ANO3: variants seen among roughly 807,000 people sequenced by gnomAD.
The protein encoded by ANO3 is anoctamin 3, also known as anoctamin-3.
A neutral mutation model predicts 144.8 loss-of-function variants in ANO3; 99 were observed. The observed-to-expected ratio is 0.68, with a 90% CI of 0.58 to 0.81. The LOEUF (loss-of-function observed/expected upper bound fraction) is 0.81. Among genes scored for constraint, ANO3 ranks in the 30% least tolerant of loss-of-function variants. The pLI is 0.00. For synonymous variants in ANO3, 414 were observed against 392.6 expected (o/e 1.05, Z -0.64); for missense variants, 905 against 1,202.2 (o/e 0.75, Z 3.66).
chr11:26,623,357 AT>A (rs1310467645), intron 17 of ANO3, among the ~76,000 whole-genome samples: 2 of 152,184 alleles, frequency 1.3e-5, no homozygotes, highest in Non-Finnish European at 1.5e-5. Context: ...AATCTAAACA[AT>A]TTTTTATTGA....
intron 14 of ANO3, among the ~76,000 whole-genome samples, chr11:26,569,133 C>A (rs1233152379): frequency 6.6e-6 from 1 of 152,012 alleles, no homozygotes; most frequent in East Asian, 1.9e-4. Context: ...AAAGTGAATT[C>A]TGTTGTTCCT....
At chr11:26,659,109 TAC>T (rs1565172390) in intron 26 of ANO3, among the ~76,000 whole-genome samples, 1 of 139,982 alleles carries the variant, frequency 7.1e-6, no homozygotes, top group South Asian at 2.5e-4. Flanking sequence ...CATATATATA[TAC>T]ACACATACAC....
chr11:26,530,881 A>C (rs567438487), intron 7 of ANO3, among the ~76,000 whole-genome samples: 2 of 152,046 alleles, frequency 1.3e-5, no homozygotes, highest in South Asian at 2.1e-4. Context: ...AAAAAAACAA[A>C]AACAAAAACA....
intron 1 of ANO3, chr11:26,287,448 G>A (rs1283520850): frequency 2.0e-5 from 3 of 152,166 alleles, no homozygotes; most frequent in Non-Finnish European, 4.4e-5. Flanking sequence ...GAAGCACAGA[G>A]AGGTCGAGTG....
At chr11:26,311,105 C>T (rs1040579827) in intron 1 of ANO3, among the ~76,000 whole-genome samples, 31 of 152,130 alleles carry the variant, frequency 2.0e-4, no homozygotes, top group Non-Finnish European at 2.9e-5. Flanking sequence ...AATGGGGAAT[C>T]AATGAAGTGA....
chr11:26,553,440 G>A (rs1849996967), intron 13 of ANO3, 95 bp downstream of exon 13: 9 of 736,280 alleles, frequency 1.2e-5, no homozygotes, highest in Middle Eastern at 5.0e-4. Context: ...AAAGTTAAGT[G>A]TTCTCAAGAG....
At chr11:26,519,209 C>T (rs1861973012) in intron 6 of ANO3, among the ~76,000 whole-genome samples, 1 of 152,122 alleles carries the variant, frequency 6.6e-6, no homozygotes, top group South Asian at 2.1e-4. Context: ...CATTTCAGTA[C>T]ATATCAGTAT....
intron 1 of ANO3, among the ~76,000 whole-genome samples, chr11:26,245,343 A>C (rs1852766943): frequency 6.6e-6 from 1 of 152,190 alleles, no homozygotes; most frequent in Admixed American, 6.5e-5. Context: ...GTTCACATGA[A>C]TATTCTCTTC....
chr11:26,292,048 A>G (rs1853970613), intron 1 of ANO3, among the ~76,000 whole-genome samples: 1 of 152,156 alleles, frequency 6.6e-6, no homozygotes, highest in African/African-American at 2.4e-5. Flanking sequence ...AGGTACACCA[A>G]TCAAACATGG....
intron 4 of ANO3, among the ~76,000 whole-genome samples, chr11:26,505,775 G>A (rs572043406): frequency 2.4e-4 from 36 of 151,922 alleles, no homozygotes; most frequent in Admixed American, 7.9e-4. Flanking sequence ...GATCGAGACC[G>A]TCCTGGCTAA....
At chr11:26,294,521 T>C (rs1854042044) in intron 1 of ANO3, among the ~76,000 whole-genome samples, 2 of 152,344 alleles carry the variant, frequency 1.3e-5, no homozygotes, top group Admixed American at 6.5e-5. Context: ...CTAGATATCA[T>C]GATTGCTATT....
At chr11:26,432,254 G>A (rs1428036697) in intron 1 of ANO3, among the ~76,000 whole-genome samples, 1 of 151,942 alleles carries the variant, frequency 6.6e-6, no homozygotes, top group Non-Finnish European at 1.5e-5. Flanking sequence ...TTTAATGGGG[G>A]TATTTGAGTT....
chr11:26,632,108 C>T (rs1396622159), intron 18 of ANO3, among the ~76,000 whole-genome samples: 1 of 151,676 alleles, frequency 6.6e-6, no homozygotes, highest in African/African-American at 2.4e-5. Flanking sequence ...AGAAGAATCT[C>T]TCGAACCCGG....
In ANO3 at chr11:26,289,389, C is replaced by T. The variant is rs147277910; in HGVS notation, c.155-20256C>T. Among the ~76,000 whole-genome samples the T allele has an allele frequency of 4.8e-3, 720 of 150,882 alleles. 4 individuals are homozygous for T. Among genetic ancestry groups the T allele is most frequent in the Non-Finnish European group, 7.9e-3 (536 of 67,644 alleles). On this transcript the variant is annotated intron_variant, in intron 1 of 27. Transcript: ENST00000672621. ...TGAATATAAGTAATTTGACACCAAACCTAAAACATATTTGGCACTAAATAA... is the reference window on the plus strand; with the variant it reads ...TGAATATAAGTAATTTGACACCAAATCTAAAACATATTTGGCACTAAATAA...
chr11:26,610,836 A>G (rs1315130287), intron 17 of ANO3, among the ~76,000 whole-genome samples: 1 of 151,970 alleles, frequency 6.6e-6, no homozygotes, highest in African/African-American at 2.4e-5. Context: ...GAGTGTCCAG[A>G]TCTTCTGTTT....
chr11:26,326,376 C>T lies in ANO3; in HGVS notation c.-3+16657C>T, dbSNP rs1267067025. Among the ~76,000 whole-genome samples the T allele has an allele frequency of 2.0e-5, 3 of 152,064 alleles. No individual in the cohort carries two copies. In the East Asian group the frequency reaches 5.8e-4, roughly 29 times the overall value. On this transcript the variant is annotated intron_variant, in intron 1 of 26. Transcript: ENST00000525139. ...AAAAATAAACCTTTTCGCCCCATCT[C>T]CTCCATCTAGACTTAGCTATATTTT... is the stretch of plus-strand genomic sequence containing the variant.
At chr11:26,659,260 C>G (rs746898414) in intron 26 of ANO3, among the ~76,000 whole-genome samples, 5 of 152,018 alleles carry the variant, frequency 3.3e-5, no homozygotes, top group Non-Finnish European at 7.4e-5. Context: ...GGTGATTTGC[C>G]TGAGGTTAAA....
At chr11:26,508,448 T>C (rs1861521124) in intron 5 of ANO3, 186 bp downstream of exon 5, 3 of 466,392 alleles carry the variant, frequency 6.4e-6, no homozygotes, top group African/African-American at 2.0e-5. Context: ...ATCTATATAA[T>C]TCTGTACAAT....
chr11:26,339,105 T>C (rs1174822741), intron 1 of ANO3, among the ~76,000 whole-genome samples: 2 of 152,032 alleles, frequency 1.3e-5, no homozygotes, highest in Non-Finnish European at 2.9e-5. Context: ...GCTTAATGAG[T>C]GAAAGATCTA....
Sources: gnomAD v4.1 joint callset for allele counts (sites outside exome capture counted in the v4.1 genomes callset) on GRCh38, gnomAD v4.1.1 for gene constraint, MANE v1.5 for transcripts, NCBI Gene and HGNC (gene_info 2026-07-23, HGNC 2026-07-21) for gene names.